PARP12: variants seen among roughly 807,000 people sequenced by gnomAD.
PARP12 encodes protein mono-ADP-ribosyltransferase PARP12.
In PARP12, 59 loss-of-function variants were observed where a neutral mutation model predicts 72.4. That is an observed-to-expected ratio of 0.81 (90% CI 0.66 to 1.01). The LOEUF is 1.01. PARP12 is among the 50% of genes least tolerant of loss of function. The pLI is 0.00. For synonymous variants in PARP12, 403 were observed against 371.4 expected (o/e 1.09, Z -0.98); for missense variants, 851 against 914.0 (o/e 0.93, Z 0.89).
At chr7:140,025,886 T>C (rs546272510) in intron 11 of PARP12, among the ~76,000 whole-genome samples, 14 of 152,342 alleles carry the variant, frequency 9.2e-5, no homozygotes, top group African/African-American at 2.2e-4. Context: ...AGTCAGGGAC[T>C]TCATCAGGGC....
intron 1 of PARP12, 83 bp from the exon 2 acceptor site, chr7:140,058,117 C>A (rs1227207709): frequency 2.8e-6 from 4 of 1,445,480 alleles, no homozygotes; most frequent in Non-Finnish European, 3.9e-6. Flanking sequence ...CCCACGACCT[C>A]AGGATATGGC....
At chr7:140,039,594 G>T (rs1480205354) in intron 6 of PARP12, among the ~76,000 whole-genome samples, 1 of 152,202 alleles carries the variant, frequency 6.6e-6, no homozygotes, top group Non-Finnish European at 1.5e-5. Flanking sequence ...GGACCAGCAG[G>T]TGTCTGATTT....
Position 140,037,851 on chromosome 7 carries a change from C to T in PARP12, c.1188G>A (p.Thr396=), listed in dbSNP as rs538895238. The T allele has an allele frequency of 5.6e-6, 9 of 1,605,104 alleles. No homozygotes were observed. Among genetic ancestry groups the T allele is most frequent in the Non-Finnish European group, 5.1e-6 (6 of 1,172,692 alleles). ...TGCTGACAGTGGTCACAGGGTGCAC[C>T]GTGCCCTGCGATGGAAAGCCAGACA... ...GSWQEYGRQG[T]VHPVTTVSSS... Residue 396 remains threonine, a synonymous_variant, in exon 7 of 12, where the codon ACG becomes ACA. Transcript: ENST00000263549.
intron 8 of PARP12, chr7:140,033,562 C>T (rs760130796): frequency 8.1e-6 from 8 of 985,422 alleles, no homozygotes; most frequent in Non-Finnish European, 9.6e-6. Flanking sequence ...TTGGAGAACA[C>T]TGACCCCTTC....
rs1817511992 is a variant in PARP12 at position 140,062,633 on chromosome 7, AGCGGCGAG to A, written c.207_214del (p.Ser70AlafsTer41). On this transcript the variant is annotated frameshift_variant, in exon 1 of 12. Transcript: ENST00000263549. LOFTEE classifies it high-confidence loss of function. ...GCCCTGGTGCGCGCGACACAGGCGC[AGCGGCGAG>A]GCGGCCAGCACCACGCGCTCCGGGG... The A allele has an allele frequency of 2.7e-6, 4 of 1,482,750 alleles. No homozygotes were observed. Among genetic ancestry groups the A allele is most frequent in the Non-Finnish European group, 3.6e-6 (4 of 1,119,646 alleles). 91.8% of individuals were successfully genotyped at this position (1,482,750 alleles called of 1,614,324 possible).
At chr7:140,044,271 C>G (rs1271741507) in intron 5 of PARP12, among the ~76,000 whole-genome samples, 1 of 152,116 alleles carries the variant, frequency 6.6e-6, no homozygotes, top group South Asian at 2.1e-4. Flanking sequence ...CCCATGAATG[C>G]GATCTTATTT....
In PARP12 at chr7:140,037,775, C is replaced by T. The variant is rs1363060395; in HGVS notation, c.1264G>A (p.Gly422Ser). 1.2e-5 allele frequency: 20 copies of T among 1,614,084 alleles called. No homozygotes were observed. Among genetic ancestry groups the T allele is most frequent in the African/African-American group, 4.0e-5 (3 of 74,932 alleles). The change falls in exon 7 of 12, where the codon GGC becomes AGC. Residue 422 changes from glycine (G) to serine (S), a missense_variant. Transcript: ENST00000263549. The stretch of plus-strand genomic sequence containing the variant: ...TGGAACTTCAAGGTGGCTGCCTGGC[C>T]GTCAGACCCCGGTGTACAGTAGGCC... ...YLAYCTPGSD[G>S]QAATLKFQAG...
intron 8 of PARP12, among the ~76,000 whole-genome samples, chr7:140,032,763 T>C (rs1276181136): frequency 6.6e-6 from 1 of 152,136 alleles, no homozygotes; most frequent in African/African-American, 2.4e-5. Flanking sequence ...AATACTTTTA[T>C]ATGTATGTAT....
intron 5 of PARP12, among the ~76,000 whole-genome samples, chr7:140,044,955 G>A (rs536779356): frequency 6.6e-6 from 1 of 152,028 alleles, no homozygotes; most frequent in African/African-American, 2.4e-5. Flanking sequence ...AATACTGACT[G>A]CCTAAAACAA....
At chr7:140,060,248 G>A (rs1179260479) in intron 1 of PARP12, among the ~76,000 whole-genome samples, 1 of 152,174 alleles carries the variant, frequency 6.6e-6, no homozygotes, top group African/African-American at 2.4e-5. Flanking sequence ...GAAACAAGGT[G>A]GGCTGGATCT....
chr7:140,062,923 C>G lies in PARP12; in HGVS notation c.-76G>C. The stretch of plus-strand genomic sequence containing the variant: ...GGCGGACGCTGGCTGGCGGGCGGCT[C>G]TCGCAGGGTGGAGACGCCGGCGGGA... On this transcript the variant is annotated 5_prime_UTR_variant, in exon 1 of 12. Transcript: ENST00000263549. 2 of 1,166,498 alleles carry G rather than the reference C, an allele frequency of 1.7e-6. No individual in the cohort carries two copies. The highest frequency in any genetic ancestry group is 7.5e-5 in the East Asian group (2 of 26,696). 72.3% of individuals were successfully genotyped at this position (1,166,498 alleles called of 1,614,324 possible). A position where few individuals can be genotyped will look rare whatever the true frequency, so the allele number is the denominator to read the frequency against.
chr7:140,040,930 G>C (rs1457765671), intron 6 of PARP12, among the ~76,000 whole-genome samples: 3 of 152,084 alleles, frequency 2.0e-5, no homozygotes, highest in African/African-American at 7.2e-5. Context: ...ACCACACCTG[G>C]CCAATTTTTG....
chr7:140,046,779 C>A, intron 5 of PARP12, 105 bp downstream of exon 5: 4 of 1,246,632 alleles, frequency 3.2e-6, no homozygotes, highest in South Asian at 3.1e-5. Flanking sequence ...GCCCAGGCAC[C>A]TCCAGACTAG....
intron 6 of PARP12, 144 bp from the exon 7 acceptor site, chr7:140,038,000 G>A: frequency 4.2e-6 from 6 of 1,441,978 alleles, no homozygotes; most frequent in Non-Finnish European, 5.5e-6. Flanking sequence ...GCATGGTATG[G>A]CAGGAGAGAG....
At chr7:140,060,733 C>T (rs1284635961) in intron 1 of PARP12, among the ~76,000 whole-genome samples, 1 of 135,720 alleles carries the variant, frequency 7.4e-6, no homozygotes, top group Non-Finnish European at 1.5e-5. Context: ...TCCTCGTGGG[C>T]TGTTGTTCCC....
chr7:140,058,974 A>T (rs995611002), intron 1 of PARP12, among the ~76,000 whole-genome samples: 3 of 152,120 alleles, frequency 2.0e-5, no homozygotes, highest in Admixed American at 2.0e-4. Flanking sequence ...GCATGCCTGT[A>T]ATCCCAGCTA....
At chr7:140,034,193 G>C (rs1182557988) in intron 8 of PARP12, 42 bp downstream of exon 8, 3 of 1,598,132 alleles carry the variant, frequency 1.9e-6, no homozygotes, top group Admixed American at 3.4e-5. Context: ...GCACACCCCA[G>C]CTGATTACAT....
intron 4 of PARP12, among the ~76,000 whole-genome samples, chr7:140,052,810 TACTTC>T (rs1309263762): frequency 1.3e-5 from 2 of 151,682 alleles, no homozygotes; most frequent in Non-Finnish European, 2.9e-5. Context: ...TTTGAGTAGA[TACTTC>T]ACAGAAAATA....
chr7:140,038,170 C>G (rs1192933885), intron 6 of PARP12: 1 of 985,312 alleles, frequency 1.0e-6, no homozygotes, highest in African/African-American at 1.7e-5. Flanking sequence ...CATTCAAATG[C>G]CGGCAGAACA....
Sources: allele counts gnomAD v4.1 joint callset (sites outside exome capture counted in the v4.1 genomes callset), GRCh38; gene constraint gnomAD v4.1.1; transcripts MANE v1.5; gene names NCBI Gene and HGNC (gene_info 2026-07-23, HGNC 2026-07-21).